The following B3GNT3 variants were observed in gnomAD, a reference collection of about 807,000 sequenced individuals.
B3GNT3 encodes UDP-GlcNAc:betaGal beta-1,3-N-acetylglucosaminyltransferase 3.
In B3GNT3, 7 loss-of-function variants were observed where a neutral mutation model predicts 11.6. That is an observed-to-expected ratio of 0.60 (90% confidence interval 0.34 to 1.13). The LOEUF is 1.13. B3GNT3 is among the 50% of genes most tolerant of loss of function. The pLI, the probability that B3GNT3 is intolerant of heterozygous loss-of-function variation, is 0.03. For missense variants in B3GNT3, 400 were observed against 507.4 expected (o/e 0.79, Z 2.03); for synonymous variants, 201 against 222.1 (o/e 0.90, Z 0.85).
At chr19:17,798,234 G>A (rs1005103984) in intron 1 of B3GNT3, among the ~76,000 whole-genome samples, 9 of 152,160 alleles carry the variant, frequency 5.9e-5, no homozygotes, top group Admixed American at 4.6e-4. Flanking sequence ...GTGTATCAGC[G>A]TCCTGGGCAC....
At chr19:17,805,106 ATT>A (rs60752281) in intron 1 of B3GNT3, among the ~76,000 whole-genome samples, 26 of 131,978 alleles carry the variant, frequency 2.0e-4, no homozygotes, top group Admixed American at 3.1e-4. Flanking sequence ...GACCACAGGG[ATT>A]TTTTTTTTTT....
chr19:17,808,133 T>C lies in B3GNT3; in HGVS notation c.326T>C (p.Leu109Pro). 2 of 1,613,748 alleles carry C rather than the reference T, an allele frequency of 1.2e-6. No individual in the cohort carries two copies. Among genetic ancestry groups the C allele is most frequent in the Non-Finnish European group, 8.5e-7 (1 of 1,179,872 alleles). The change falls in exon 2 of 3, where the codon CTG becomes CCG. Residue 109 changes from leucine to proline, a missense_variant. Leu to Pro is a moderately conservative substitution (Grantham distance 98). Transcript: ENST00000318683. ...PPSKCAQPVF[L>P]LLVIKSSPSN... ...TCTAAGTGCGCGCAGCCGGTCTTCC[T>C]GCTGCTGGTGATCAAGTCCTCCCCT...
At chr19:17,805,541 C>T (rs904159161) in intron 1 of B3GNT3, among the ~76,000 whole-genome samples, 6 of 152,178 alleles carry the variant, frequency 3.9e-5, no homozygotes, top group African/African-American at 1.4e-4. Context: ...AGCAGGGTCC[C>T]ATAACTCCAC....
intron 1 of B3GNT3, among the ~76,000 whole-genome samples, chr19:17,798,798 G>A (rs1372252817): frequency 6.6e-6 from 1 of 151,994 alleles, no homozygotes; most frequent in Non-Finnish European, 1.5e-5. Flanking sequence ...AACATAGCGA[G>A]ACCCATCTCT....
Position 17,807,960 on chromosome 19 carries a change from T to TCCCGCCCCCCC in B3GNT3, c.155_156insCGCCCCCCCCC (p.Pro53AlafsTer64). ...TCCCCGAGGCCCTGGCCTGGCCCAC[T>TCCCGCCCCCCC]CCACCCACCCGCCCAGCCCCGGCCC... On this transcript the variant is annotated frameshift_variant, in exon 2 of 3. Coordinates refer to ENST00000318683, the MANE Select transcript of B3GNT3 (RefSeq NM_014256.4). LOFTEE classifies it high-confidence loss of function. 3.7e-5 allele frequency: 60 copies of TCCCGCCCCCCC among 1,609,512 alleles called. No homozygotes were observed. The highest frequency in any genetic ancestry group is 4.8e-5 in the Non-Finnish European group (56 of 1,178,098).
Position 17,805,513 on chromosome 19 carries a change from A to G in B3GNT3, c.-50-2245A>G, listed in dbSNP as rs78049438. ...ATAAGACATTCTTTCTGGCGTGCCC[A>G]TTCTATTCTTGTACCCTAGCAGGGT... On this transcript the variant is annotated intron_variant, in intron 1 of 2. Transcript: ENST00000318683. Among the ~76,000 whole-genome samples the G allele has an allele frequency of 4.7e-4, 71 of 152,202 alleles. 1 individual carries two copies. The highest frequency in any genetic ancestry group is 1.0e-3 in the South Asian group (5 of 4,814).
At chr19:17,802,552 G>C (rs1337950970) in intron 1 of B3GNT3, among the ~76,000 whole-genome samples, 1 of 152,136 alleles carries the variant, frequency 6.6e-6, no homozygotes, top group Non-Finnish European at 1.5e-5. Context: ...TTTTAGCCTG[G>C]AGGTCGAAGC....
chr19:17,806,739 G>C (rs1036235584), intron 1 of B3GNT3, among the ~76,000 whole-genome samples: 4 of 152,012 alleles, frequency 2.6e-5, no homozygotes, highest in Non-Finnish European at 5.9e-5. Context: ...AGATCATGAG[G>C]TCAGGAGATC....
intron 1 of B3GNT3, among the ~76,000 whole-genome samples, chr19:17,802,727 C>G (rs1187905911): frequency 6.6e-6 from 1 of 151,990 alleles, no homozygotes; most frequent in African/African-American, 2.4e-5. Flanking sequence ...GCTTTGCCAC[C>G]AGGCTGGAAG....
chr19:17,797,257 A>G (rs543572804), intron 1 of B3GNT3, among the ~76,000 whole-genome samples: 11 of 152,206 alleles, frequency 7.2e-5, no homozygotes, highest in Non-Finnish European at 1.5e-4. Context: ...CATTTATAGC[A>G]TGTATCTTTG....
chr19:17,807,841 A>G lies in B3GNT3; in HGVS notation c.34A>G (p.Thr12Ala), dbSNP rs139830746. ...TCTCCGGCACCGGCGGCCCAATGCC[A>G]CCCTCATTCTGGCCATCGGCGCTTT... ...KYLRHRRPNA[T>A]LILAIGAFTL... Residue 12 changes from threonine (T) to alanine (A), a missense_variant, in exon 2 of 3, where the codon ACC (threonine) becomes GCC (alanine). Coordinates refer to ENST00000318683, the MANE Select transcript of B3GNT3 (RefSeq NM_014256.4). The G allele has an allele frequency of 2.9e-4, 470 of 1,611,794 alleles. 3 individuals carry two copies. The East Asian group carries it at 9.1e-3, about 31-fold the overall frequency.
chr19:17,803,202 C>T (rs2094168528), intron 1 of B3GNT3, among the ~76,000 whole-genome samples: 1 of 152,078 alleles, frequency 6.6e-6, no homozygotes, highest in Admixed American at 6.6e-5. Flanking sequence ...GACAGAGTTT[C>T]ACCATGTTGG....
At chr19:17,801,717 C>G (rs1490906206) in intron 1 of B3GNT3, among the ~76,000 whole-genome samples, 2 of 152,068 alleles carry the variant, frequency 1.3e-5, no homozygotes, top group Admixed American at 6.5e-5. Flanking sequence ...CTCTTGGGCT[C>G]AAGTGATCCT....
chr19:17,804,532 G>GTTT (rs1568390814), intron 1 of B3GNT3, among the ~76,000 whole-genome samples: 3 of 18,788 alleles, frequency 1.6e-4, no homozygotes, highest in African/African-American at 3.1e-4. Flanking sequence ...ACCGTGCCCA[G>GTTT]CTTTTTTTTT....
intron 2 of B3GNT3, among the ~76,000 whole-genome samples, chr19:17,810,078 G>T (rs144792737): frequency 6.6e-6 from 1 of 152,238 alleles, no homozygotes; most frequent in African/African-American, 2.4e-5. Context: ...TTCAAGGTAG[G>T]GTAAGCACCA....
At position 17,807,740 on chromosome 19, in the gene B3GNT3, G is replaced by T; in HGVS notation, c.-50-18G>T. 1 of 1,442,168 alleles carries T rather than the reference G, an allele frequency of 6.9e-7. No homozygotes were observed. The allele number at this position is 1,442,168 out of a possible 1,614,324, so 89.3% of individuals were successfully genotyped here. On this transcript the variant is annotated intron_variant, in intron 1 of 2. Coordinates refer to ENST00000318683, the MANE Select transcript of B3GNT3 (RefSeq NM_014256.4). ...GCTTTGCTCATGGCGAGTGTTCAGT[G>T]AGTTTTGTTTTCCACAGGAGCCGCC...
chr19:17,808,101 GC>G lies in B3GNT3; in HGVS notation c.300del (p.Ser101LeufsTer12), dbSNP rs982500888. 10 of 1,613,752 alleles carry G rather than the reference GC, an allele frequency of 6.2e-6. No individual in the cohort carries two copies. The highest frequency in any genetic ancestry group is 1.3e-5 in the African/African-American group (1 of 74,894). ...CRHFPLLQDV[P>X]PSKCAQPVFL... ...GCCACTTTCCCCTGCTGCAGGACGT[GC>G]CCCCCTCTAAGTGCGCGCAGCCGGT... On this transcript the variant is annotated frameshift_variant, in exon 2 of 3. Transcript: ENST00000318683. LOFTEE classifies it high-confidence loss of function.
At chr19:17,804,240 C>CTTTTTTTTTTTTTTTTTTTTTTTT (rs773524591) in intron 1 of B3GNT3, among the ~76,000 whole-genome samples, 4 of 112,186 alleles carry the variant, frequency 3.6e-5, no homozygotes, top group Admixed American at 9.5e-5. Flanking sequence ...TCTTTTTTTT[C>CTTTTTTTTTTTTTTTTTTTTTTTT]TTTTTTTTTT....
chr19:17,807,147 T>TGTGTGTG (rs1290665537), intron 1 of B3GNT3, among the ~76,000 whole-genome samples: 14 of 149,152 alleles, frequency 9.4e-5, no homozygotes, highest in Non-Finnish European at 1.2e-4. Flanking sequence ...TGTGTGTGTA[T>TGTGTGTG]TGGAGCAGGA....
Sources: gnomAD v4.1 joint callset for allele counts (sites outside exome capture counted in the v4.1 genomes callset) on GRCh38, gnomAD v4.1.1 for gene constraint, MANE v1.5 for transcripts, NCBI Gene and HGNC (gene_info 2026-07-23, HGNC 2026-07-21) for gene names.